The following SLCO4A1 variants were observed in gnomAD, a reference collection of about 807,000 sequenced individuals.
SLCO4A1 encodes solute carrier organic anion transporter family member 4A1.
A neutral mutation model predicts 64.6 loss-of-function variants in SLCO4A1; 51 were observed. The observed-to-expected ratio is 0.79, with a 90% confidence interval of 0.63 to 1.00. SLCO4A1 has a LOEUF of 1.00. Among genes scored for constraint, SLCO4A1 ranks in the 50% least tolerant of loss-of-function variants. SLCO4A1 has a pLI of 0.00. For synonymous variants in SLCO4A1, 471 were observed against 444.9 expected (o/e 1.06, Z -0.74); for missense variants, 919 against 980.5 (o/e 0.94, Z 0.84).
Position 62,666,454 on chromosome 20 carries a change from G to A in SLCO4A1, c.1351G>A (p.Gly451Ser). ...GFFVNKLRLR[G>S]SAVIKFCLFC... ...CTTTGTGAACAAGCTCAGGCTCCGG[G>A]GCTCCGCGGTCATCAAGTTCTGCCT... is the stretch of plus-strand genomic sequence containing the variant. Residue 451 changes from glycine to serine, a missense_variant, in exon 7 of 12, where the codon GGC becomes AGC. Gly to Ser is a moderately conservative substitution (Grantham distance 56). Transcript: ENST00000217159. 6.2e-7 allele frequency: 1 copy of A among 1,613,422 alleles called. No homozygotes were observed.
intron 1 of SLCO4A1, chr20:62,643,112 A>C: frequency 2.2e-6 from 1 of 445,798 alleles, no homozygotes; most frequent in Non-Finnish European, 4.7e-6. Flanking sequence ...CGCTCGAGAC[A>C]TCTCCGGGAG....
chr20:62,685,881 A>G (rs6062833), downstream of SLCO4A1: 59,406 of 152,002 alleles, frequency 0.39, 11,901 homozygotes, highest in African/African-American at 0.45. The surrounding 1 kb of genome is among the most constrained non-coding windows in gnomAD (Gnocchi z 4.6). Context: ...AGCTGTAGAC[A>G]CAGGGCTGGT....
At chr20:62,658,592 C>A in intron 2 of SLCO4A1, 85 bp from the exon 3 acceptor site, 1 of 1,063,152 alleles carries the variant, frequency 9.4e-7, no homozygotes, top group Non-Finnish European at 1.4e-6. Flanking sequence ...GGGTGCGGGG[C>A]TTCTCCCAGG....
In SLCO4A1 at chr20:62,685,342, G is replaced by A. The variant is rs1028862702; in HGVS notation, n.212-99G>A. On this transcript the variant is annotated intron_variant and non_coding_transcript_variant, in intron 2 of 2. Transcript: ENST00000466818. The surrounding 1 kb of genome is among the most constrained non-coding windows in gnomAD (Gnocchi z 4.6). ...CCTTCCCCAGCTGGTCGGTGCCCAA[G>A]GGTGGGTTCGTGGGGCAACTGCACC... is the stretch of plus-strand genomic sequence containing the variant. 1.8e-6 allele frequency: 1 copy of A among 560,424 alleles called. No homozygotes were observed. Among genetic ancestry groups the A allele is most frequent in the African/African-American group, 2.0e-5 (1 of 49,126 alleles). The allele number at this position is 560,424 out of a possible 1,614,324, so 34.7% of individuals were successfully genotyped here.
At chr20:62,648,172 C>T (rs1000355514) in intron 1 of SLCO4A1, among the ~76,000 whole-genome samples, 1 of 152,400 alleles carries the variant, frequency 6.6e-6, no homozygotes, top group East Asian at 1.9e-4. Context: ...CCCTTCCTCC[C>T]CTGCGGGGTT....
At chr20:62,642,923 G>T (rs1344905958) in intron 1 of SLCO4A1, 2 of 451,812 alleles carry the variant, frequency 4.4e-6, no homozygotes, top group Non-Finnish European at 9.2e-6. Context: ...ACCTGGGCAG[G>T]TGGCCCGGAG....
Position 62,664,952 on chromosome 20 carries a change from G to A in SLCO4A1, c.1140G>A (p.Leu380=). The part of the protein sequence containing the change: ...RDLPLSIWLL[L]KNPTFILLCL... Reference sequence around the variant, plus strand: ...TGCCCAGCTCCATCTGGCTCCTGCTGAAGAACCCCACGTTCATCCTGCTCT... The same window carrying A: ...TGCCCAGCTCCATCTGGCTCCTGCTAAAGAACCCCACGTTCATCCTGCTCT... The change falls in exon 6 of 12, where the codon CTG becomes CTA. Residue 380 remains leucine, a synonymous_variant. Transcript: ENST00000217159. 1.2e-6 allele frequency: 2 copies of A among 1,610,658 alleles called. No individual in the cohort carries two copies. The highest frequency in any genetic ancestry group is 1.7e-6 in the Non-Finnish European group (2 of 1,178,372).
At chr20:62,688,840 T>G (rs1988144679), downstream of SLCO4A1, among the ~76,000 whole-genome samples, 1 of 152,188 alleles carries the variant, frequency 6.6e-6, no homozygotes, top group African/African-American at 2.4e-5. Flanking sequence ...TGGGGGAAGC[T>G]GGGGTGGCCA....
intron 2 of SLCO4A1, among the ~76,000 whole-genome samples, chr20:62,680,505 A>AGC (rs1569155830): frequency 2.0e-5 from 3 of 151,282 alleles, no homozygotes; most frequent in African/African-American, 4.9e-5. Context: ...AGCTGCATGT[A>AGC]TTTTTTTAAT....
Position 62,657,223 on chromosome 20 carries a change from A to C in SLCO4A1, c.769A>C (p.Lys257Gln). 6.5e-7 allele frequency: 1 copy of C among 1,537,994 alleles called. No homozygotes were observed. The highest frequency in any genetic ancestry group is 1.4e-5 in the African/African-American group (1 of 72,980). ...LGVTYLDENVKSSCSPVYIAI... is the reference protein window; with the variant it reads ...LGVTYLDENVQSSCSPVYIAI... ...CGTCACCTACCTGGATGAGAACGTC[A>C]AGTCCAGCTGCTCGCCCGTCTACAT... Residue 257 changes from lysine to glutamine, a missense_variant, in exon 2 of 12, where the codon AAG becomes CAG. Transcript: ENST00000217159.
chr20:62,648,129 C>G (rs1199404749), intron 1 of SLCO4A1, among the ~76,000 whole-genome samples: 1 of 152,268 alleles, frequency 6.6e-6, no homozygotes, highest in Non-Finnish European at 1.5e-5. Flanking sequence ...TAATTCACAC[C>G]CTGGCTGCCA....
chr20:62,654,891 G>A (rs987244564), intron 1 of SLCO4A1, among the ~76,000 whole-genome samples: 25 of 152,292 alleles, frequency 1.6e-4, no homozygotes, highest in African/African-American at 5.1e-4. Context: ...CTGCAAGGCC[G>A]GCCCCCCTCG....
At chr20:62,675,090 G>A (rs1445123243), downstream of SLCO4A1, among the ~76,000 whole-genome samples, 3 of 152,172 alleles carry the variant, frequency 2.0e-5, no homozygotes. Flanking sequence ...GAAACGCCCC[G>A]AGCTGCAGAG....
In SLCO4A1 at chr20:62,656,431, A is replaced by C. The variant is rs1036031404; in HGVS notation, c.-24A>C. On this transcript the variant is annotated 5_prime_UTR_variant, in exon 2 of 12. Transcript: ENST00000217159. The stretch of plus-strand genomic sequence containing the variant: ...CTCCCACTGCGTGGCTGAAGCCTCG[A>C]GGTCACCAGGCGGAGGCGCGGAGAT... 55 of 1,454,428 alleles carry C rather than the reference A, an allele frequency of 3.8e-5. No homozygotes were observed. Among genetic ancestry groups the C allele is most frequent in the Non-Finnish European group, 4.9e-5 (54 of 1,103,518 alleles). 90.1% of individuals were successfully genotyped at this position (1,454,428 alleles called of 1,614,324 possible).
intron 10 of SLCO4A1, 106 bp downstream of exon 10, chr20:62,668,647 G>A (rs925247594): frequency 2.7e-6 from 3 of 1,128,364 alleles, no homozygotes; most frequent in Non-Finnish European, 4.0e-6. Flanking sequence ...CCAGCAGGAG[G>A]CTGTTCCCGC....
At position 62,645,522 on chromosome 20, in the gene SLCO4A1, A is replaced by ACCCTCACCCTCATCCTCACCC. The variant is rs1176077469; in HGVS notation, c.-97+2969_-97+2970insCCCTCACCCTCATCCTCACCC. 7.0e-6 allele frequency among the ~76,000 whole-genome samples: 1 copy of ACCCTCACCCTCATCCTCACCC among 143,876 alleles called. No homozygotes were observed. Among genetic ancestry groups the ACCCTCACCCTCATCCTCACCC allele is most frequent in the Non-Finnish European group, 1.5e-5 (1 of 65,512 alleles). The allele number at this position is 143,876 out of a possible 152,430, so 94.4% of individuals were successfully genotyped here. ...CACCCTCACCCTCATCCTCACCCGCAGCCTCACCCTCAGTCCTCAGACACT... is the reference window on the plus strand; with the variant it reads ...CACCCTCACCCTCATCCTCACCCGCACCCTCACCCTCATCCTCACCCGCCTCACCCTCAGTCCTCAGACACT... On this transcript the variant is annotated intron_variant, in intron 1 of 11. Coordinates refer to ENST00000217159, the MANE Select transcript of SLCO4A1 (RefSeq NM_016354.4). The surrounding 1 kb of genome is among the most constrained non-coding windows in gnomAD (Gnocchi z 4.2).
intron 2 of SLCO4A1, among the ~76,000 whole-genome samples, chr20:62,679,702 A>G (rs1470735634): frequency 6.6e-6 from 1 of 152,174 alleles, no homozygotes; most frequent in Non-Finnish European, 1.5e-5. Flanking sequence ...ACTGCACAAT[A>G]GCTTAAAAAA....
In SLCO4A1 at chr20:62,660,463, C is replaced by T; in HGVS notation, c.939C>T (p.Gly313=). The T allele has an allele frequency of 6.2e-7, 1 of 1,602,624 alleles. No individual in the cohort carries two copies. The highest frequency in any genetic ancestry group is 1.7e-4 in the Middle Eastern group (1 of 6,060). Residue 313 remains glycine, a synonymous_variant, in exon 4 of 12, where the codon GGC becomes GGT. Transcript: ENST00000217159. ...SPLWVGAWWV[G]FLGSGAAAFF... is the part of the protein sequence containing the mutation. ...TGTGGGTCGGCGCCTGGTGGGTCGGCTTCCTGGGCTCTGGGGCCGCTGCTT... is the reference window on the plus strand; with the variant it reads ...TGTGGGTCGGCGCCTGGTGGGTCGGTTTCCTGGGCTCTGGGGCCGCTGCTT...
In SLCO4A1 at chr20:62,658,696, C is replaced by T. The variant is rs746136586; in HGVS notation, c.816C>T (p.Ala272=). Residue 272 remains alanine, a synonymous_variant, in exon 3 of 12, where the codon GCC becomes GCT. Transcript: ENST00000217159. ...PVYIAIFYTA[A]ILGPAAGYLI... ...TCGCAGCCATCTTCTACACAGCGGC[C>T]ATCCTGGGCCCAGCTGCCGGCTACC... 4.2e-5 allele frequency: 68 copies of T among 1,611,676 alleles called. No homozygotes were observed. The highest frequency in any genetic ancestry group is 5.3e-5 in the Non-Finnish European group (63 of 1,179,418).
Sources: gnomAD v4.1 joint callset for allele counts (sites outside exome capture counted in the v4.1 genomes callset) on GRCh38, gnomAD v4.1.1 for gene constraint, Gnocchi (gnomAD v3.1) non-coding constraint, MANE v1.5 for transcripts, NCBI Gene and HGNC (gene_info 2026-07-23, HGNC 2026-07-21) for gene names.